The following MAPKAPK3 variants were observed in gnomAD, a reference collection of about 807,000 sequenced individuals.
MAPKAPK3 encodes the protein MAP kinase-activated protein kinase 3.
A neutral mutation model predicts 49.2 loss-of-function variants in MAPKAPK3; 35 were observed. The observed-to-expected ratio is 0.71, with a 90% confidence interval of 0.54 to 0.94. MAPKAPK3 has a LOEUF of 0.94. MAPKAPK3 is among the 40% of genes least tolerant of loss of function. The pLI is 0.00. For missense variants in MAPKAPK3, 398 were observed against 493.1 expected (o/e 0.81, Z 1.83); for synonymous variants, 178 against 188.7 (o/e 0.94, Z 0.46).
chr3:50,626,792 G>A (rs897387814), intron 2 of MAPKAPK3, among the ~76,000 whole-genome samples: 1 of 152,182 alleles, frequency 6.6e-6, no homozygotes, highest in Non-Finnish European at 1.5e-5. Context: ...CCAGGGTCAC[G>A]TAGTATGGAC....
intron 2 of MAPKAPK3, among the ~76,000 whole-genome samples, chr3:50,627,779 G>A (rs1166250908): frequency 2.0e-5 from 3 of 152,162 alleles, no homozygotes; most frequent in African/African-American, 7.2e-5. Context: ...TAGGCTGGGT[G>A]TCGGTGCCTT....
rs930300474 is a variant in MAPKAPK3, at chr3:50,638,270, G to A, written c.220-2096G>A. On this transcript the variant is annotated intron_variant, in intron 2 of 10. Transcript: ENST00000621469. ...GGAGGAGGCAAAGAAGGAACCCGGT[G>A]CAGGGAGGGAGGATGGTACCTCTTG... Among the ~76,000 whole-genome samples the A allele has an allele frequency of 2.6e-5, 4 of 152,136 alleles. No homozygotes were observed. The East Asian group carries it at 7.7e-4, about 29-fold the overall frequency.
Position 50,644,533 on chromosome 3 carries a change from G to A in MAPKAPK3, c.628+1G>A, listed in dbSNP as rs1161074693. On this transcript the variant is annotated splice_donor_variant, in intron 6 of 10. Transcript: ENST00000621469. LOFTEE classifies it high-confidence loss of function. ...CCCTGCTATACTCCCTATTATGTGG[G>A]TGAGTCCTTCGGACATGAGTTGTAA... The A allele has an allele frequency of 6.2e-7, 1 of 1,613,924 alleles. No individual in the cohort carries two copies. The highest frequency in any genetic ancestry group is 8.5e-7 in the Non-Finnish European group (1 of 1,180,010).
chr3:50,619,206 A>G (rs2032548682), intron 2 of MAPKAPK3, among the ~76,000 whole-genome samples: 1 of 152,166 alleles, frequency 6.6e-6, no homozygotes, highest in African/African-American at 2.4e-5. Context: ...AGGTCTGGAG[A>G]GGTTACAGGA....
intron 2 of MAPKAPK3, among the ~76,000 whole-genome samples, chr3:50,619,204 A>G (rs1348670109): frequency 6.6e-6 from 1 of 152,208 alleles, no homozygotes; most frequent in Non-Finnish European, 1.5e-5. Context: ...ACAGGTCTGG[A>G]GAGGTTACAG....
intron 10 of MAPKAPK3, among the ~76,000 whole-genome samples, chr3:50,647,564 G>C (rs947068836): frequency 2.0e-5 from 3 of 152,292 alleles, no homozygotes; most frequent in Non-Finnish European, 4.4e-5. Context: ...CCAGGCCCCA[G>C]TGCGCTGGTT....
At chr3:50,629,421 A>G (rs900417100) in intron 2 of MAPKAPK3, among the ~76,000 whole-genome samples, 1 of 152,158 alleles carries the variant, frequency 6.6e-6, no homozygotes, top group African/African-American at 2.4e-5. Context: ...CACCCATACC[A>G]TCATGGCCCC....
At position 50,648,143 on chromosome 3, in the gene MAPKAPK3, C is replaced by A; in HGVS notation, c.*97C>A. On this transcript the variant is annotated 3_prime_UTR_variant, in exon 11 of 11. Coordinates refer to ENST00000621469, the MANE Select transcript of MAPKAPK3 (RefSeq NM_001243925.2). Reference sequence around the variant, plus strand: ...GGAGGGCCCAGGGTCATTCTTTTAACAAAAGGATTATTTTGTTGTGTTTTA... The same window carrying A: ...GGAGGGCCCAGGGTCATTCTTTTAAAAAAAGGATTATTTTGTTGTGTTTTA... 1 of 1,231,010 alleles carries A rather than the reference C, an allele frequency of 8.1e-7. No individual in the cohort carries two copies. The highest frequency in any genetic ancestry group is 1.1e-6 in the Non-Finnish European group (1 of 886,130). 76.3% of individuals were successfully genotyped at this position (1,231,010 alleles called of 1,614,324 possible).
chr3:50,628,109 A>T (rs4688706), intron 2 of MAPKAPK3, among the ~76,000 whole-genome samples: 149,125 of 152,290 alleles, frequency 0.98, 73,100 homozygotes, highest in Middle Eastern at 1. Flanking sequence ...CTTTGTCATC[A>T]CTGTGACATC....
rs143783628 is a variant in MAPKAPK3 at position 50,625,780 on chromosome 3, G to A, written c.219+7996G>A. Among the ~76,000 whole-genome samples the A allele has an allele frequency of 1.5e-3, 226 of 152,220 alleles. 1 individual carries two copies. Among genetic ancestry groups the A allele is most frequent in the African/African-American group, 5.1e-3 (212 of 41,520 alleles). On this transcript the variant is annotated intron_variant, in intron 2 of 10. Coordinates refer to ENST00000621469, the MANE Select transcript of MAPKAPK3 (RefSeq NM_001243925.2). ...CGGGCCTTGCCAGTTTGCCTGTCTC[G>A]TGTGTTTCAGGCCTCATGGCCTCTT...
In MAPKAPK3 at chr3:50,646,189, C is replaced by T. The variant is rs1212198874; in HGVS notation, c.754C>T (p.Pro252Ser). The change falls in exon 8 of 11, where the codon CCG becomes TCG. Residue 252 changes from proline to serine, a missense_variant. Coordinates refer to ENST00000621469, the MANE Select transcript of MAPKAPK3 (RefSeq NM_001243925.2). Reference protein sequence around the residue: ...FYSNTGQAISPGMKRRIRLGQ... With the variant: ...FYSNTGQAISSGMKRRIRLGQ... ...CTCCAACACGGGCCAGGCCATCTCC[C>T]CGGGGATGAAGAGGAGGATTCGCCT... 4.3e-6 allele frequency: 7 copies of T among 1,614,192 alleles called. No individual in the cohort carries two copies. The highest frequency in any genetic ancestry group is 5.9e-6 in the Non-Finnish European group (7 of 1,180,024).
At chr3:50,618,483 G>A (rs2032528117) in intron 2 of MAPKAPK3, among the ~76,000 whole-genome samples, 2 of 152,072 alleles carry the variant, frequency 1.3e-5, no homozygotes, top group South Asian at 4.2e-4. Flanking sequence ...CATGGTGGGG[G>A]TCAGGGGGAT....
chr3:50,632,414 G>A (rs1450078715), intron 2 of MAPKAPK3, among the ~76,000 whole-genome samples: 2 of 152,198 alleles, frequency 1.3e-5, no homozygotes, highest in South Asian at 2.1e-4. Context: ...AAGAGAATCT[G>A]CTGTTTTTGT....
intron 6 of MAPKAPK3, among the ~76,000 whole-genome samples, chr3:50,645,365 G>A (rs905966414): frequency 6.6e-6 from 1 of 152,168 alleles, no homozygotes; most frequent in Non-Finnish European, 1.5e-5. Context: ...GGAGGCAAGG[G>A]ACACAGGACA....
intron 2 of MAPKAPK3, among the ~76,000 whole-genome samples, chr3:50,619,739 G>A (rs868141676): frequency 1.5e-4 from 23 of 152,126 alleles, no homozygotes; most frequent in African/African-American, 4.8e-4. Context: ...ACCAGAATTT[G>A]TAGGCCCACA....
intron 9 of MAPKAPK3, 38 bp from the exon 10 acceptor site, chr3:50,647,085 C>A: frequency 6.6e-7 from 1 of 1,520,794 alleles, no homozygotes; most frequent in Non-Finnish European, 8.9e-7. Flanking sequence ...TCCCAGGTGC[C>A]TCCAGTTTCT....
In MAPKAPK3 at chr3:50,648,054, G is replaced by A. The variant is rs769525152; in HGVS notation, c.*8G>A. On this transcript the variant is annotated 3_prime_UTR_variant, in exon 11 of 11. Transcript: ENST00000621469. ...GGCTGCAACAACCAGTAGCTCATGG[G>A]GCCTTGGAGGAGCCTGGCCTCTCAG... 6.2e-7 allele frequency: 1 copy of A among 1,609,764 alleles called. No homozygotes were observed. The highest frequency in any genetic ancestry group is 8.5e-7 in the Non-Finnish European group (1 of 1,178,240).
intron 2 of MAPKAPK3, among the ~76,000 whole-genome samples, chr3:50,619,486 A>G (rs565824501): frequency 7.8e-4 from 118 of 152,236 alleles, no homozygotes; most frequent in African/African-American, 2.7e-3. Flanking sequence ...TCTTTTAGGG[A>G]AAAAGTGGCT....
At position 50,646,730 on chromosome 3, in the gene MAPKAPK3, G is replaced by GC. The variant is rs757318484; in HGVS notation, c.830-4dup. 1.9e-6 allele frequency: 3 copies of GC among 1,613,008 alleles called. No homozygotes were observed. Among genetic ancestry groups the GC allele is most frequent in the Non-Finnish European group, 2.5e-6 (3 of 1,179,332 alleles). On this transcript the variant is annotated splice_polypyrimidine_tract_variant and intron_variant, in intron 8 of 10. Coordinates refer to ENST00000621469, the MANE Select transcript of MAPKAPK3 (RefSeq NM_001243925.2). Reference sequence around the variant, plus strand: ...TCTCATCTCTCCCCTCTCTTCCCTGGCCCCCCTAGCCAAGCAGCTGATCCG... The same window carrying GC: ...TCTCATCTCTCCCCTCTCTTCCCTGGCCCCCCCTAGCCAAGCAGCTGATCCG...
Sources: allele counts gnomAD v4.1 joint callset (sites outside exome capture counted in the v4.1 genomes callset), GRCh38; gene constraint gnomAD v4.1.1; transcripts MANE v1.5; gene names NCBI Gene and HGNC (gene_info 2026-07-23, HGNC 2026-07-21).